TOX2: variants seen among roughly 807,000 people sequenced by gnomAD.
TOX2 encodes TOX high mobility group box family member 2.
In TOX2, 15 loss-of-function variants were observed where a neutral mutation model predicts 47.4. That is an observed-to-expected ratio of 0.32 (90% CI 0.21 to 0.49). The LOEUF (loss-of-function observed/expected upper bound fraction) is 0.49, where lower values mean the gene tolerates loss of function less well. TOX2 is among the 20% of genes least tolerant of loss of function. The probability of loss-of-function intolerance (pLI) is 0.99; values close to 1 mark genes in which losing one functional copy is unlikely to be tolerated. For missense variants in TOX2, 622 were observed against 673.1 expected, an observed-to-expected ratio of 0.92 and a Z score of 0.84; for synonymous variants, 290 against 296.6, an observed-to-expected ratio of 0.98 and a Z score of 0.23.
chr20:43,920,967 A>T (rs1286678341), intron 1 of TOX2, among the ~76,000 whole-genome samples: 1 of 152,206 alleles, frequency 6.6e-6, no homozygotes, highest in African/African-American at 2.4e-5. Context: ...ATAGATGCTC[A>T]GCAAATATTT....
chr20:44,006,893 C>A, intron 3 of TOX2, 101 bp downstream of exon 3: 1 of 1,458,772 alleles, frequency 6.9e-7, no homozygotes. Flanking sequence ...ACTCTCTGCT[C>A]ATGGGCAGGG....
At position 44,037,904 on chromosome 20, in the gene TOX2, G is replaced by A. The variant is rs575298504; in HGVS notation, c.412-13402G>A. ...TGGGTAACAGGCAGAGGTTGGAACC[G>A]TTTGGAGGGGTCAGAAGAAGGCAGG... is the stretch of plus-strand genomic sequence containing the variant. On this transcript the variant is annotated intron_variant, in intron 3 of 8. Coordinates refer to ENST00000341197, the MANE Select transcript of TOX2 (RefSeq NM_001098797.2). Among the ~76,000 whole-genome samples the A allele has an allele frequency of 4.9e-4, 74 of 152,274 alleles. 1 individual carries two copies. The highest frequency in any genetic ancestry group is 1.6e-3 in the African/African-American group (68 of 41,556).
intron 3 of TOX2, among the ~76,000 whole-genome samples, chr20:44,044,756 T>C (rs1002407268): frequency 6.6e-6 from 1 of 152,202 alleles, no homozygotes; most frequent in African/African-American, 2.4e-5. Context: ...TACTATATGA[T>C]ACGGCAATTG....
intron 3 of TOX2, among the ~76,000 whole-genome samples, chr20:44,013,283 C>T (rs2145624044): frequency 6.6e-6 from 1 of 152,272 alleles, no homozygotes; most frequent in South Asian, 2.1e-4. Flanking sequence ...ACACCTCCCC[C>T]ATTTTCTTCC....
chr20:43,942,502 A>C (rs973846684), intron 1 of TOX2, among the ~76,000 whole-genome samples: 1 of 152,172 alleles, frequency 6.6e-6, no homozygotes, highest in Admixed American at 6.5e-5. Context: ...ACATAGTGAG[A>C]CCCTATTTTT....
At chr20:43,966,443 C>A (rs775085127) in intron 1 of TOX2, among the ~76,000 whole-genome samples, 3 of 152,096 alleles carry the variant, frequency 2.0e-5, no homozygotes, top group Non-Finnish European at 4.4e-5. Context: ...GTTCCAGGCT[C>A]ATGGTGGGAC....
intron 1 of TOX2, among the ~76,000 whole-genome samples, chr20:43,972,458 C>T (rs1202581397): frequency 6.6e-6 from 1 of 152,200 alleles, no homozygotes; most frequent in Non-Finnish European, 1.5e-5. Flanking sequence ...TGCATCTGAA[C>T]CCTTGCCTCA....
chr20:43,978,639 G>T (rs73118294), intron 2 of TOX2, among the ~76,000 whole-genome samples: 9,136 of 152,160 alleles, frequency 0.06, 419 homozygotes, highest in African/African-American at 0.12. Context: ...TCCTTCAGGG[G>T]CACTGCAAAT....
chr20:43,931,679 T>A (rs1440614618), intron 1 of TOX2, among the ~76,000 whole-genome samples: 1 of 152,094 alleles, frequency 6.6e-6, no homozygotes, highest in East Asian at 1.9e-4. Context: ...ATCTTTGCAG[T>A]TGTTCTGTGG....
chr20:43,957,939 G>A (rs2145416690), intron 1 of TOX2, among the ~76,000 whole-genome samples: 1 of 152,248 alleles, frequency 6.6e-6, no homozygotes, highest in South Asian at 2.1e-4. Context: ...AGAACAGCAA[G>A]GGGGATATCC....
chr20:43,940,421 G>A (rs1400435137), intron 1 of TOX2, among the ~76,000 whole-genome samples: 1 of 150,750 alleles, frequency 6.6e-6, no homozygotes, highest in Non-Finnish European at 1.5e-5. Flanking sequence ...GATAGGTCTC[G>A]ATATGTTGCC....
intron 2 of TOX2, among the ~76,000 whole-genome samples, chr20:44,000,752 G>A (rs1294898902): frequency 6.6e-6 from 1 of 152,034 alleles, no homozygotes; most frequent in African/African-American, 2.4e-5. Context: ...ACCAACAAAG[G>A]ACATACAGAA....
intron 3 of TOX2, among the ~76,000 whole-genome samples, chr20:44,034,076 C>G (rs912079403): frequency 6.6e-6 from 1 of 152,228 alleles, no homozygotes; most frequent in African/African-American, 2.4e-5. Flanking sequence ...CCCCTTTATC[C>G]TTATCTGCCA....
At chr20:44,003,104 C>T (rs1268065736) in intron 2 of TOX2, among the ~76,000 whole-genome samples, 1 of 152,094 alleles carries the variant, frequency 6.6e-6, no homozygotes, top group Non-Finnish European at 1.5e-5. Context: ...GACAGTAGTT[C>T]CCAGCTCCAG....
At chr20:43,957,820 G>T (rs544420168) in intron 1 of TOX2, among the ~76,000 whole-genome samples, 83 of 152,220 alleles carry the variant, frequency 5.5e-4, no homozygotes, top group African/African-American at 1.7e-3. Flanking sequence ...CGTGGCAGAA[G>T]GTGAAAGGGT....
intron 3 of TOX2, among the ~76,000 whole-genome samples, chr20:44,035,269 C>A (rs140968399): frequency 2.3e-3 from 345 of 152,366 alleles, no homozygotes; most frequent in Non-Finnish European, 3.7e-3. Flanking sequence ...CCTACTCTGG[C>A]TCTCAGGCCT....
At chr20:43,987,527 A>T (rs1436860681) in intron 2 of TOX2, among the ~76,000 whole-genome samples, 1 of 152,214 alleles carries the variant, frequency 6.6e-6, no homozygotes, top group Non-Finnish European at 1.5e-5. Context: ...CTATGCTTCA[A>T]TAAGGTGTAA....
At chr20:44,005,024 G>A (rs1569085874) in intron 2 of TOX2, among the ~76,000 whole-genome samples, 3 of 152,122 alleles carry the variant, frequency 2.0e-5, no homozygotes, top group Non-Finnish European at 4.4e-5. Context: ...TGATCTGATC[G>A]TTATGCATTA....
At chr20:43,958,135 C>T (rs1476799323) in intron 1 of TOX2, among the ~76,000 whole-genome samples, 1 of 152,244 alleles carries the variant, frequency 6.6e-6, no homozygotes, top group African/African-American at 2.4e-5. Context: ...AATCTTGATA[C>T]GTTTCCATAC....
Sources: allele counts gnomAD v4.1 joint callset (sites outside exome capture counted in the v4.1 genomes callset), GRCh38; gene constraint gnomAD v4.1.1; transcripts MANE v1.5; gene names NCBI Gene and HGNC (gene_info 2026-07-23, HGNC 2026-07-21).